SLC38A8: variants seen among roughly 807,000 people sequenced by gnomAD.
SLC38A8 encodes the protein solute carrier family 38 member 8, also known as amino acid transporter SLC38A8.
A neutral mutation model predicts 46.0 loss-of-function variants in SLC38A8; 65 were observed. That is an observed-to-expected ratio of 1.41 (90% CI 1.16 to 1.74). SLC38A8 has a LOEUF of 1.74. SLC38A8 is among the 40% of genes most tolerant of loss of function. The probability of loss-of-function intolerance (pLI) is 0.00; values close to 1 mark genes in which losing one functional copy is unlikely to be tolerated. For synonymous variants in SLC38A8, 447 were observed against 243.7 expected (o/e 1.83, Z -7.77); for missense variants, 998 against 567.9 (o/e 1.76, Z -7.70).
At position 84,024,909 on chromosome 16, in the gene SLC38A8, G is replaced by A. The variant is rs564703585; in HGVS notation, c.691-2020C>T. 1.7e-4 allele frequency among the ~76,000 whole-genome samples: 26 copies of A among 152,218 alleles called. No individual in the cohort carries two copies. The East Asian group carries it at 4.1e-3, about 24-fold the overall frequency. On this transcript the variant is annotated intron_variant, in intron 6 of 10. Transcript: ENST00000299709. ...TTGTCCAGGCTGGTCTCATACTCCT[G>A]ACCTCAAGTGATCCTCCCACCTCGG... is the stretch of plus-strand genomic sequence containing the variant.
rs201347322 is a variant in SLC38A8, at chr16:84,027,388, C to CAA, written c.690+2105_690+2106insTT. On this transcript the variant is annotated intron_variant, in intron 6 of 10. Coordinates refer to ENST00000299709, the MANE Select transcript of SLC38A8 (RefSeq NM_001080442.3). ...ACAAACAAACAAACAAACAAACAAACACACACTAGAAGTCCTGGTGTAGCC... is the reference window on the plus strand; with the variant it reads ...ACAAACAAACAAACAAACAAACAAACAAACACACTAGAAGTCCTGGTGTAGCC... 6.6e-4 allele frequency among the ~76,000 whole-genome samples: 93 copies of CAA among 141,492 alleles called. No individual in the cohort carries two copies. In the East Asian group the frequency reaches 9.7e-3, roughly 15 times the overall value. 92.8% of individuals were successfully genotyped at this position (141,492 alleles called of 152,430 possible).
chr16:84,027,885 C>G (rs766844027), intron 6 of SLC38A8, among the ~76,000 whole-genome samples: 16 of 152,174 alleles, frequency 1.1e-4, no homozygotes, highest in Non-Finnish European at 1.9e-4. Flanking sequence ...GGTTCTTAAA[C>G]TCAGTCCAGA....
intron 6 of SLC38A8, among the ~76,000 whole-genome samples, chr16:84,023,918 G>C (rs1208798063): frequency 6.6e-6 from 1 of 152,192 alleles, no homozygotes; most frequent in East Asian, 1.9e-4. Flanking sequence ...CCGGGCAGCA[G>C]AGAATGTTTC....
chr16:84,024,343 G>A (rs893786891), intron 6 of SLC38A8, among the ~76,000 whole-genome samples: 1 of 152,036 alleles, frequency 6.6e-6, no homozygotes, highest in Non-Finnish European at 1.5e-5. Flanking sequence ...CCATATTGGG[G>A]TAAGCATTTT....
At chr16:84,015,335 G>A (rs2085012285) in intron 9 of SLC38A8, among the ~76,000 whole-genome samples, 1 of 152,022 alleles carries the variant, frequency 6.6e-6, no homozygotes, top group Admixed American at 6.5e-5. Flanking sequence ...CTCAGATAAT[G>A]CTTGGGCTGT....
chr16:84,025,543 G>A (rs908481616), intron 6 of SLC38A8, among the ~76,000 whole-genome samples: 4 of 152,146 alleles, frequency 2.6e-5, no homozygotes, highest in Non-Finnish European at 4.4e-5. Flanking sequence ...CGTTGCTCAG[G>A]GCTCTGAGCT....
chr16:84,021,040 C>A (rs1455011148), intron 7 of SLC38A8, among the ~76,000 whole-genome samples: 1 of 152,126 alleles, frequency 6.6e-6, no homozygotes, highest in African/African-American at 2.4e-5. Context: ...TCTCTTCCGC[C>A]AGATACCCTA....
At chr16:84,033,238 C>G (rs1381975061) in intron 4 of SLC38A8, 90 bp downstream of exon 4, 2 of 1,565,332 alleles carry the variant, frequency 1.3e-6, no homozygotes, top group African/African-American at 1.4e-5. Context: ...AGGCCAATTC[C>G]CCAGCTCCTC....
At chr16:84,041,926 C>G in intron 2 of SLC38A8, 43 bp downstream of exon 2, 1 of 1,513,286 alleles carries the variant, frequency 6.6e-7, no homozygotes, top group Non-Finnish European at 8.9e-7. Context: ...AAAGCCAAAG[C>G]CACCTCGTAC....
rs765695393 is a variant in SLC38A8, at chr16:84,013,024, G to A, written c.1191C>T (p.Val397=). ...ACTTGACTCTTGGTCCTATAGGCTC[G>A]ACACCCATTGCACAGATGAGGCACA... ...PGLCLICAMG[V]EPIGPRVKCC... The change falls in exon 10 of 11, where the codon GTC becomes GTT. Residue 397 remains valine (V), a synonymous_variant. Coordinates refer to ENST00000299709, the MANE Select transcript of SLC38A8 (RefSeq NM_001080442.3). The A allele has an allele frequency of 9.3e-6, 15 of 1,614,100 alleles. No homozygotes were observed. Among genetic ancestry groups the A allele is most frequent in the Non-Finnish European group, 1.2e-5 (14 of 1,179,996 alleles).
intron 6 of SLC38A8, among the ~76,000 whole-genome samples, chr16:84,023,657 G>A (rs2085123392): frequency 6.6e-6 from 1 of 152,216 alleles, no homozygotes; most frequent in African/African-American, 2.4e-5. Flanking sequence ...ACTTTGGGAG[G>A]CCGAAGGGGG....
In SLC38A8 at chr16:84,024,509, G is replaced by A. The variant is rs139556116; in HGVS notation, c.691-1620C>T. Among the ~76,000 whole-genome samples, 1,322 of 152,142 alleles carry A rather than the reference G, an allele frequency of 8.7e-3. 6 individuals are homozygous for A. Among genetic ancestry groups the A allele is most frequent in the Middle Eastern group, 0.027 (8 of 294 alleles). On this transcript the variant is annotated intron_variant, in intron 6 of 10. Coordinates refer to ENST00000299709, the MANE Select transcript of SLC38A8 (RefSeq NM_001080442.3). ...AAGAATTTTAAACGCAGGAGGGAGCGGTGGCTCACGCCTGTAATCCCAGCA... is the reference window on the plus strand; with the variant it reads ...AAGAATTTTAAACGCAGGAGGGAGCAGTGGCTCACGCCTGTAATCCCAGCA...
At chr16:84,031,611 C>A (rs1254248170) in intron 5 of SLC38A8, among the ~76,000 whole-genome samples, 1 of 152,252 alleles carries the variant, frequency 6.6e-6, no homozygotes, top group South Asian at 2.1e-4. Flanking sequence ...AACCTATGAC[C>A]CCTAGGCCGC....
At chr16:84,033,702 G>A (rs2085272051) in intron 3 of SLC38A8, among the ~76,000 whole-genome samples, 1 of 152,182 alleles carries the variant, frequency 6.6e-6, no homozygotes, top group Non-Finnish European at 1.5e-5. Flanking sequence ...CCCAAGCCCA[G>A]CACTGCTCTA....
At chr16:84,022,124 A>C (rs67942717) in intron 7 of SLC38A8, among the ~76,000 whole-genome samples, 272 of 152,210 alleles carry the variant, frequency 1.8e-3, no homozygotes, top group African/African-American at 6.5e-3. Flanking sequence ...AAGAGGATAA[A>C]TATTCAAACC....
chr16:84,040,668 G>C (rs767457265), intron 2 of SLC38A8, among the ~76,000 whole-genome samples: 1 of 152,108 alleles, frequency 6.6e-6, no homozygotes, highest in African/African-American at 2.4e-5. Flanking sequence ...GTGCTGCCCC[G>C]TCACGTGCAC....
intron 9 of SLC38A8, among the ~76,000 whole-genome samples, chr16:84,014,032 G>C (rs866884003): frequency 1.3e-5 from 2 of 149,430 alleles, no homozygotes; most frequent in Non-Finnish European, 3.0e-5. Context: ...CCCAGAGCCT[G>C]AGGGAAGGGC....
chr16:84,013,435 T>TGTTG lies in SLC38A8; in HGVS notation c.1163-384_1163-383insCAAC, dbSNP rs1555551880. ...TTTGTTGTGTGTGTGTTTTTTTTTT[T>TGTTG]TTTTTTTTTTTTTTGAGACGGAGTC... is the stretch of plus-strand genomic sequence containing the variant. On this transcript the variant is annotated intron_variant, in intron 9 of 10. Transcript: ENST00000299709. 6.7e-3 allele frequency among the ~76,000 whole-genome samples: 879 copies of TGTTG among 130,710 alleles called. 16 individuals are homozygous for TGTTG. Among genetic ancestry groups the TGTTG allele is most frequent in the African/African-American group, 0.025 (809 of 31,730 alleles). 85.8% of individuals were successfully genotyped at this position (130,710 alleles called of 152,430 possible).
intron 3 of SLC38A8, among the ~76,000 whole-genome samples, chr16:84,033,999 C>G (rs894672074): frequency 1.4e-4 from 22 of 152,178 alleles, no homozygotes; most frequent in Non-Finnish European, 2.8e-4. Context: ...CCAGGCTGGC[C>G]AATCCTCCTC....
Sources: gnomAD v4.1 joint callset for allele counts (sites outside exome capture counted in the v4.1 genomes callset) on GRCh38, gnomAD v4.1.1 for gene constraint, MANE v1.5 for transcripts, NCBI Gene and HGNC (gene_info 2026-07-23, HGNC 2026-07-21) for gene names.